STXBP5: variants seen among roughly 807,000 people sequenced by gnomAD.
The protein encoded by STXBP5 is syntaxin-binding protein 5.
STXBP5 carries 50 observed loss-of-function variants against 152.4 expected under a neutral mutation model. That is an observed-to-expected ratio of 0.33 (90% CI 0.26 to 0.42). The LOEUF (loss-of-function observed/expected upper bound fraction) is 0.42. Ranked by LOEUF, STXBP5 falls within the 10% of genes least tolerant of loss-of-function variation. The pLI, the probability that STXBP5 is intolerant of heterozygous loss-of-function variation, is 1.00. For synonymous variants in STXBP5, 492 were observed against 494.7 expected (o/e 0.99, Z 0.07); for missense variants, 1,167 against 1,388.6 (o/e 0.84, Z 2.54).
chr6:147,349,699 T>C (rs1784504296), intron 21 of STXBP5, among the ~76,000 whole-genome samples: 1 of 152,198 alleles, frequency 6.6e-6, no homozygotes, highest in African/African-American at 2.4e-5. Flanking sequence ...ATTTTGGAGT[T>C]GTTTCATCTA....
chr6:147,258,496 G>C (rs1779487686), intron 4 of STXBP5, among the ~76,000 whole-genome samples: 1 of 149,258 alleles, frequency 6.7e-6, no homozygotes, highest in Non-Finnish European at 1.5e-5. Flanking sequence ...TGCAGTGAGT[G>C]GATCTCGGCT....
chr6:147,319,868 G>T (rs957707439), intron 16 of STXBP5, among the ~76,000 whole-genome samples: 3 of 130,602 alleles, frequency 2.3e-5, no homozygotes, highest in Non-Finnish European at 3.1e-5. Context: ...AAGAGACAGG[G>T]TCTCGCTCTG....
At chr6:147,341,527 A>G (rs1450222908) in intron 21 of STXBP5, among the ~76,000 whole-genome samples, 2 of 152,184 alleles carry the variant, frequency 1.3e-5, no homozygotes, top group African/African-American at 2.4e-5. Flanking sequence ...TGGCTGGGAA[A>G]ACATAAGAAT....
chr6:147,251,417 C>T (rs1256115285), intron 4 of STXBP5, among the ~76,000 whole-genome samples: 29 of 152,090 alleles, frequency 1.9e-4, no homozygotes, highest in Non-Finnish European at 2.9e-5. Flanking sequence ...ATCGCAGTGG[C>T]ACCTGGAATG....
intron 9 of STXBP5, among the ~76,000 whole-genome samples, chr6:147,293,676 A>G (rs1421175813): frequency 1.3e-5 from 2 of 152,206 alleles, no homozygotes; most frequent in Non-Finnish European, 2.9e-5. Context: ...ATTCCCTACC[A>G]TCTTTTGTGG....
intron 2 of STXBP5, among the ~76,000 whole-genome samples, chr6:147,215,832 T>C (rs1321049741): frequency 6.6e-6 from 1 of 152,166 alleles, no homozygotes. Flanking sequence ...TTAGGCATCC[T>C]TTGAGGGTAG....
intron 18 of STXBP5, 125 bp from the exon 19 acceptor site, chr6:147,334,032 C>G: frequency 1.2e-6 from 1 of 855,492 alleles, no homozygotes; most frequent in Middle Eastern, 2.3e-4. Context: ...GGTATCAGTA[C>G]CACAGTCTGT....
In STXBP5 at chr6:147,244,819, A is replaced by G. The variant is rs540463002; in HGVS notation, c.431+5549A>G. On this transcript the variant is annotated intron_variant, in intron 4 of 27. Transcript: ENST00000321680. ...TTTTCTGCCCTCCTTTTTTGTTTCTATGAGAAATTAGTGGTTGTTTGAATT... is the reference window on the plus strand; with the variant it reads ...TTTTCTGCCCTCCTTTTTTGTTTCTGTGAGAAATTAGTGGTTGTTTGAATT... Among the ~76,000 whole-genome samples the G allele has an allele frequency of 4.6e-5, 7 of 152,076 alleles. No homozygotes were observed. In the East Asian group the frequency reaches 5.8e-4, roughly 13 times the overall value.
At chr6:147,346,640 T>C (rs1351984495) in intron 21 of STXBP5, among the ~76,000 whole-genome samples, 3 of 151,922 alleles carry the variant, frequency 2.0e-5, no homozygotes, top group African/African-American at 7.3e-5. Flanking sequence ...CTGAGGAGGC[T>C]GAGGCAGGAG....
chr6:147,230,281 G>A (rs1003219500), intron 2 of STXBP5, among the ~76,000 whole-genome samples: 1 of 151,860 alleles, frequency 6.6e-6, no homozygotes, highest in African/African-American at 2.4e-5. Flanking sequence ...TATACGTGGA[G>A]ATATTCGTAA....
chr6:147,375,697 G>A (rs1785778366), intron 26 of STXBP5, among the ~76,000 whole-genome samples: 1 of 151,394 alleles, frequency 6.6e-6, no homozygotes, highest in Admixed American at 6.6e-5. Flanking sequence ...ACAAATTTGA[G>A]AAGCCTAATT....
At chr6:147,320,931 T>G (rs1782906917) in intron 16 of STXBP5, among the ~76,000 whole-genome samples, 1 of 152,172 alleles carries the variant, frequency 6.6e-6, no homozygotes, top group African/African-American at 2.4e-5. Flanking sequence ...TCTTCAGCCA[T>G]TATCTTAAAA....
At chr6:147,361,065 T>C (rs1288376977) in intron 23 of STXBP5, among the ~76,000 whole-genome samples, 1 of 152,182 alleles carries the variant, frequency 6.6e-6, no homozygotes, top group African/African-American at 2.4e-5. Flanking sequence ...CATAATGATA[T>C]TCTTACTAAT....
At position 147,363,390 on chromosome 6, in the gene STXBP5, A is replaced by C. The variant is rs527468146; in HGVS notation, c.2601A>C (p.Thr867=). 5.0e-6 allele frequency: 8 copies of C among 1,613,398 alleles called. No individual in the cohort carries two copies. The South Asian group carries it at 8.8e-5, about 18-fold the overall frequency. The change falls in exon 24 of 28, where the codon ACA becomes ACC. Residue 867 remains threonine (T), a synonymous_variant. Coordinates refer to ENST00000321680, the MANE Select transcript of STXBP5 (RefSeq NM_001127715.4). ...TGAGAATGGCATTTCTGGATACCAC[A>C]GGCTGCTTAATACCACCTGCGTATG... is the stretch of plus-strand genomic sequence containing the variant. ...AILRMAFLDT[T]GCLIPPAYEP...
chr6:147,376,366 C>G (rs1785809596), intron 26 of STXBP5, among the ~76,000 whole-genome samples: 1 of 152,090 alleles, frequency 6.6e-6, no homozygotes, highest in Non-Finnish European at 1.5e-5. Context: ...AAATCACAGT[C>G]ATTCCGAAAC....
At chr6:147,336,697 A>G (rs1320229133) in intron 19 of STXBP5, among the ~76,000 whole-genome samples, 1 of 152,128 alleles carries the variant, frequency 6.6e-6, no homozygotes. Context: ...AATATAAAAT[A>G]AGTTGGTATT....
In STXBP5 at chr6:147,289,115, A is replaced by G. The variant is rs1190661499; in HGVS notation, c.839-1979A>G. ...TTGCATTCAGTTAACACTTTAGTGC[A>G]GCAGGTGTGGACCATCAGGAAATGG... On this transcript the variant is annotated intron_variant, in intron 8 of 27. Coordinates refer to ENST00000321680, the MANE Select transcript of STXBP5 (RefSeq NM_001127715.4). Among the ~76,000 whole-genome samples, 3 of 152,202 alleles carry G rather than the reference A, an allele frequency of 2.0e-5. No individual in the cohort carries two copies. In the East Asian group the frequency reaches 5.8e-4, roughly 29 times the overall value.
intron 1 of STXBP5, among the ~76,000 whole-genome samples, chr6:147,205,371 C>CATAT (rs66619063): frequency 0.029 from 4,072 of 141,820 alleles, 148 homozygotes; most frequent in African/African-American, 0.085. Flanking sequence ...TAAAAGTGTG[C>CATAT]ATATATATAT....
intron 25 of STXBP5, among the ~76,000 whole-genome samples, chr6:147,365,516 A>T (rs949771142): frequency 2.0e-5 from 3 of 152,106 alleles, no homozygotes; most frequent in African/African-American, 7.2e-5. Context: ...TTCTTTAATT[A>T]TTCTTAAGTT....
Sources: gnomAD v4.1 joint callset for allele counts (sites outside exome capture counted in the v4.1 genomes callset) on GRCh38, gnomAD v4.1.1 for gene constraint, MANE v1.5 for transcripts, NCBI Gene and HGNC (gene_info 2026-07-23, HGNC 2026-07-21) for gene names.